CDH13: variants seen among roughly 807,000 people sequenced by gnomAD.
CDH13 encodes cadherin 13.
A neutral mutation model predicts 63.8 loss-of-function variants in CDH13; 24 were observed. The ratio of observed to expected loss-of-function variants is 0.38; its 90% CI spans 0.27 to 0.53. The LOEUF (loss-of-function observed/expected upper bound fraction) is 0.53, where lower values mean the gene tolerates loss of function less well. Among genes scored for constraint, CDH13 ranks in the 20% least tolerant of loss-of-function variants. The probability of loss-of-function intolerance (pLI) is 0.85; values close to 1 mark genes in which losing one functional copy is unlikely to be tolerated. For missense variants in CDH13, 1,049 were observed against 903.1 expected (o/e 1.16, Z -2.07); for synonymous variants, 503 against 355.3 (o/e 1.42, Z -4.67).
At chr16:83,577,547 G>A (rs1905173191) in intron 7 of CDH13, among the ~76,000 whole-genome samples, 1 of 152,150 alleles carries the variant, frequency 6.6e-6, no homozygotes, top group Admixed American at 6.5e-5. Flanking sequence ...CCTCCCAGAT[G>A]CCCCTATGGG....
intron 7 of CDH13, among the ~76,000 whole-genome samples, chr16:83,602,187 T>G (rs1907911871): frequency 7.4e-6 from 1 of 135,844 alleles, no homozygotes. Context: ...TGGAACATTC[T>G]GTGATATATC....
rs1229018823 is a variant in CDH13 at position 82,644,620 on chromosome 16, G to A, written c.45+17483G>A. Among the ~76,000 whole-genome samples, 1 of 152,176 alleles carries A rather than the reference G, an allele frequency of 6.6e-6. No homozygotes were observed. Among genetic ancestry groups the A allele is most frequent in the Non-Finnish European group, 1.5e-5 (1 of 68,036 alleles). The stretch of plus-strand genomic sequence containing the variant: ...CTGAGGGGCTGTACGTGTCTTCATA[G>A]GTCTCCAGTCTGTAAAAGCAACCAC... On this transcript the variant is annotated intron_variant, in intron 1 of 13. Coordinates refer to ENST00000567109, the MANE Select transcript of CDH13 (RefSeq NM_001257.5). This position sits in a 1 kb window ranked among gnomAD's most constrained non-coding sequence, Gnocchi z 5.7.
At chr16:83,783,874 T>C (rs537064774) in intron 13 of CDH13, among the ~76,000 whole-genome samples, 1 of 152,238 alleles carries the variant, frequency 6.6e-6, no homozygotes, top group Non-Finnish European at 1.5e-5. Flanking sequence ...TATGAGACTT[T>C]CTGAGAATAG....
chr16:82,878,106 C>T (rs982296380), intron 2 of CDH13, among the ~76,000 whole-genome samples: 1 of 152,048 alleles, frequency 6.6e-6, no homozygotes, highest in African/African-American at 2.4e-5. Flanking sequence ...GAATCAGCCT[C>T]AGAAGCCAGA....
chr16:83,422,868 G>C (rs774750573), intron 6 of CDH13, among the ~76,000 whole-genome samples: 13 of 152,090 alleles, frequency 8.5e-5, no homozygotes, highest in Non-Finnish European at 1.6e-4. Flanking sequence ...AGAAATGTTG[G>C]GTAGGAACAA....
intron 11 of CDH13, among the ~76,000 whole-genome samples, chr16:83,754,715 G>A (rs902345975): frequency 1.3e-5 from 2 of 152,142 alleles, no homozygotes; most frequent in African/African-American, 4.8e-5. Flanking sequence ...TGTAAGATGG[G>A]ACTTGCTCCT....
At chr16:83,338,197 A>AC (rs1410993816) in intron 5 of CDH13, among the ~76,000 whole-genome samples, 1 of 151,512 alleles carries the variant, frequency 6.6e-6, no homozygotes, top group South Asian at 2.1e-4. Flanking sequence ...AAAAAAAAAA[A>AC]AAAAAACAAG....
intron 1 of CDH13, among the ~76,000 whole-genome samples, chr16:82,851,593 C>T (rs767715802): frequency 7.2e-5 from 11 of 152,056 alleles, no homozygotes; most frequent in Non-Finnish European, 1.0e-4. Context: ...TTTCTGTGTT[C>T]CTGGGGCTGT....
intron 3 of CDH13, among the ~76,000 whole-genome samples, chr16:83,086,784 C>A (rs962960847): frequency 1.3e-5 from 2 of 152,080 alleles, no homozygotes. Flanking sequence ...ATGGCAAAAA[C>A]TGGGCACAGT....
chr16:82,943,131 T>G (rs1012423406), intron 2 of CDH13, among the ~76,000 whole-genome samples: 3 of 152,240 alleles, frequency 2.0e-5, no homozygotes, highest in Non-Finnish European at 4.4e-5. Flanking sequence ...TATATTTGAT[T>G]TGAGAGTTTA....
chr16:82,995,261 G>A (rs924758081), intron 2 of CDH13, among the ~76,000 whole-genome samples: 2 of 152,164 alleles, frequency 1.3e-5, no homozygotes, highest in East Asian at 1.9e-4. Context: ...TTTTGCAACA[G>A]CAGATTTTGC....
In CDH13 at chr16:83,670,985, C is replaced by T. The variant is rs751475419; in HGVS notation, c.1284+13C>T. On this transcript the variant is annotated intron_variant, in intron 9 of 13. Transcript: ENST00000567109. ...TTCTGTTGTCAAAGTAAGGGTGCTTCCAATTGCCTCTTTCTCCTCATGCGA... is the reference window on the plus strand; with the variant it reads ...TTCTGTTGTCAAAGTAAGGGTGCTTTCAATTGCCTCTTTCTCCTCATGCGA... The T allele has an allele frequency of 6.4e-7, 1 of 1,569,790 alleles. No individual in the cohort carries two copies. The highest frequency in any genetic ancestry group is 1.8e-5 in the Admixed American group (1 of 55,906).
At chr16:83,477,810 T>C (rs2073645377) in intron 6 of CDH13, among the ~76,000 whole-genome samples, 1 of 152,170 alleles carries the variant, frequency 6.6e-6, no homozygotes. Context: ...TGTTTGGCCT[T>C]CTAGTCCCAC....
chr16:83,156,503 G>A (rs1468994117), intron 4 of CDH13, among the ~76,000 whole-genome samples: 1 of 152,182 alleles, frequency 6.6e-6, no homozygotes, highest in Non-Finnish European at 1.5e-5. Flanking sequence ...GTGATTGCCT[G>A]TGTGTCCAAG....
intron 5 of CDH13, among the ~76,000 whole-genome samples, chr16:83,304,474 C>G (rs2089827701): frequency 6.6e-6 from 1 of 151,764 alleles, no homozygotes; most frequent in South Asian, 2.1e-4. Flanking sequence ...CCCTAGAAGT[C>G]TACATAAAAA....
intron 5 of CDH13, among the ~76,000 whole-genome samples, chr16:83,220,519 G>C (rs1467851316): frequency 6.6e-6 from 1 of 151,652 alleles, no homozygotes; most frequent in Non-Finnish European, 1.5e-5. Context: ...GAGAGAGCCG[G>C]GTGCAGCACA....
At position 82,644,389 on chromosome 16, in the gene CDH13, T is replaced by C. The variant is rs116418104; in HGVS notation, c.45+17252T>C. On this transcript the variant is annotated intron_variant, in intron 1 of 13. Coordinates refer to ENST00000567109, the MANE Select transcript of CDH13 (RefSeq NM_001257.5). This position sits in a 1 kb window ranked among gnomAD's most constrained non-coding sequence, Gnocchi z 5.7. The stretch of plus-strand genomic sequence containing the variant: ...CACCCCCCTACGGAGTTCCTTTGAT[T>C]CTCAGGTCCCTTAACCATGGAACGT... Among the ~76,000 whole-genome samples the C allele has an allele frequency of 0.01, 1,595 of 152,220 alleles. 24 individuals are homozygous for C. Among genetic ancestry groups the C allele is most frequent in the African/African-American group, 0.036 (1,476 of 41,512 alleles).
At chr16:83,267,237 G>A (rs1907733211) in intron 5 of CDH13, among the ~76,000 whole-genome samples, 1 of 152,140 alleles carries the variant, frequency 6.6e-6, no homozygotes, top group African/African-American at 2.4e-5. Flanking sequence ...AAGGCTGAAG[G>A]TGCAGGGAAG....
intron 2 of CDH13, among the ~76,000 whole-genome samples, chr16:82,907,412 T>G (rs539687555): frequency 9.9e-5 from 15 of 152,174 alleles, no homozygotes; most frequent in African/African-American, 3.6e-4. Flanking sequence ...AACTACTGTT[T>G]AGGGAGATAT....
Sources: gnomAD v4.1 joint callset for allele counts (sites outside exome capture counted in the v4.1 genomes callset) on GRCh38, gnomAD v4.1.1 for gene constraint, Gnocchi (gnomAD v3.1) non-coding constraint, MANE v1.5 for transcripts, NCBI Gene and HGNC (gene_info 2026-07-23, HGNC 2026-07-21) for gene names.